Variants in MBD2 observed in about 807,000 individuals in gnomAD.
The protein encoded by MBD2 is methyl-CpG binding domain protein 2.
Under a neutral mutation model 39.3 loss-of-function variants are expected in MBD2, and 9 were observed. The ratio of observed to expected loss-of-function variants is 0.23; its 90% CI spans 0.14 to 0.40. The LOEUF is 0.40. MBD2 is among the 10% of genes least tolerant of loss of function. The pLI is 1.00. For missense variants in MBD2, 458 were observed against 532.6 expected, an observed-to-expected ratio of 0.86 and a Z score of 1.38; for synonymous variants, 233 against 211.1, an observed-to-expected ratio of 1.10 and a Z score of -0.90.
intron 1 of MBD2, among the ~76,000 whole-genome samples, chr18:54,217,736 A>C (rs2086573328): frequency 1.3e-5 from 2 of 152,242 alleles, no homozygotes; most frequent in African/African-American, 2.4e-5. Context: ...AATGTGAAAA[A>C]ATCTACCAAT....
At chr18:54,156,470 T>C in intron 6 of MBD2, among the ~76,000 whole-genome samples, 1 of 152,208 alleles carries the variant, frequency 6.6e-6, no homozygotes, top group East Asian at 1.9e-4. Context: ...AACTTCTGTG[T>C]AAGTATAGTG....
At chr18:54,219,825 G>C (rs1276076541) in intron 1 of MBD2, among the ~76,000 whole-genome samples, 1 of 152,222 alleles carries the variant, frequency 6.6e-6, no homozygotes, top group Non-Finnish European at 1.5e-5. Context: ...ATTTGAGACT[G>C]TGTCTCGCTC....
intron 1 of MBD2, among the ~76,000 whole-genome samples, chr18:54,219,985 T>A (rs190574345): frequency 6.6e-6 from 1 of 152,168 alleles, no homozygotes; most frequent in South Asian, 2.1e-4. Context: ...GTATTTTTAG[T>A]AGAAACAGGG....
chr18:54,207,180 C>CTTTGGTA lies in MBD2; in HGVS notation c.543-2030_543-2024dup, dbSNP rs779126508. Among the ~76,000 whole-genome samples, 219 of 152,350 alleles carry CTTTGGTA rather than the reference C, an allele frequency of 1.4e-3. 2 individuals carry two copies. Among genetic ancestry groups the CTTTGGTA allele is most frequent in the Non-Finnish European group, 1.3e-3 (87 of 68,030 alleles). On this transcript the variant is annotated intron_variant, in intron 1 of 6. Transcript: ENST00000256429. ...TTTTCCCAGACTCTTTTCCCACCAG[C>CTTTGGTA]TTTGGTAGCCTACATTCCAAACTCT... is the stretch of plus-strand genomic sequence containing the variant.
chr18:54,180,472 A>G (rs1047130215), intron 3 of MBD2, among the ~76,000 whole-genome samples: 2 of 152,144 alleles, frequency 1.3e-5, no homozygotes, highest in Non-Finnish European at 2.9e-5. Flanking sequence ...AACCCTGACT[A>G]TTTAACCTAT....
chr18:54,165,647 T>C (rs1568078943), intron 4 of MBD2, among the ~76,000 whole-genome samples: 1 of 152,068 alleles, frequency 6.6e-6, no homozygotes, highest in Non-Finnish European at 1.5e-5. Context: ...CACCAGTTTG[T>C]GGAGGGAGGG....
At chr18:54,216,953 T>C (rs748257224) in intron 1 of MBD2, among the ~76,000 whole-genome samples, 3 of 152,074 alleles carry the variant, frequency 2.0e-5, no homozygotes, top group Admixed American at 6.5e-5. Flanking sequence ...CTGGGCATGG[T>C]TGACACATGC....
intron 1 of MBD2, among the ~76,000 whole-genome samples, chr18:54,212,811 C>T (rs906905194): frequency 7.2e-5 from 11 of 151,932 alleles, no homozygotes; most frequent in Non-Finnish European, 1.6e-4. Context: ...GGACAGATCA[C>T]TTAAGCCATG....
In MBD2 at chr18:54,179,876, A is replaced by T. The variant is rs554632443; in HGVS notation, c.840+8998T>A. Among the ~76,000 whole-genome samples the T allele has an allele frequency of 5.0e-4, 74 of 147,320 alleles. No individual in the cohort carries two copies. In the South Asian group the frequency reaches 6.5e-3, roughly 13 times the overall value. On this transcript the variant is annotated intron_variant, in intron 3 of 6. Coordinates refer to ENST00000256429, the MANE Select transcript of MBD2 (RefSeq NM_003927.5). ...ATTCAACATTGTATTGGAAGTTCTAACTAATAAAATAGAAAAAGGACAAAA... is the reference window on the plus strand; with the variant it reads ...ATTCAACATTGTATTGGAAGTTCTATCTAATAAAATAGAAAAAGGACAAAA...
In MBD2 at chr18:54,180,897, C is replaced by CTTTTT. The variant is rs1211071727; in HGVS notation, c.840+7972_840+7976dup. On this transcript the variant is annotated intron_variant, in intron 3 of 6. Transcript: ENST00000256429. ...CAGCCTATGTATTCCTTAATTTTTT[C>CTTTTT]TTTTTCTTTTTTTTTTTTTTTTTTT... 8.8e-4 allele frequency among the ~76,000 whole-genome samples: 93 copies of CTTTTT among 105,338 alleles called. 3 individuals are homozygous for CTTTTT. The highest frequency in any genetic ancestry group is 2.7e-3 in the African/African-American group (70 of 25,800). The allele number at this position is 105,338 out of a possible 152,430, so 69.1% of individuals were successfully genotyped here. A position where few individuals can be genotyped will look rare whatever the true frequency, so the allele number is the denominator to read the frequency against.
chr18:54,203,038 CG>C (rs1568089954), intron 2 of MBD2: 5 of 1,295,262 alleles, frequency 3.9e-6, no homozygotes, highest in Non-Finnish European at 5.6e-6. Flanking sequence ...GAGCAAACAG[CG>C]TATGAGCAAG....
At chr18:54,211,996 C>T (rs1375599651) in intron 1 of MBD2, among the ~76,000 whole-genome samples, 1 of 152,244 alleles carries the variant, frequency 6.6e-6, no homozygotes, top group South Asian at 2.1e-4. Context: ...GCTGGGATTA[C>T]AGGCGCCTGC....
intron 2 of MBD2, among the ~76,000 whole-genome samples, chr18:54,193,368 A>G (rs933898970): frequency 1.6e-4 from 24 of 152,350 alleles, no homozygotes; most frequent in African/African-American, 5.5e-4. Context: ...ACTGGCAAAC[A>G]CATTCTAATA....
At chr18:54,166,300 C>T (rs1383456866) in intron 3 of MBD2, 134 bp from the exon 4 acceptor site, 2 of 624,764 alleles carry the variant, frequency 3.2e-6, no homozygotes, top group African/African-American at 3.7e-5. Context: ...TTATAAAAAG[C>T]TAAATGATAT....
chr18:54,155,794 G>A (rs1330429389), intron 6 of MBD2, among the ~76,000 whole-genome samples: 1 of 152,120 alleles, frequency 6.6e-6, no homozygotes, highest in Non-Finnish European at 1.5e-5. Flanking sequence ...TTTAACCTGG[G>A]TGAAATGGCA....
intron 6 of MBD2, among the ~76,000 whole-genome samples, chr18:54,157,108 C>T (rs2086057654): frequency 6.6e-6 from 1 of 152,100 alleles, no homozygotes; most frequent in South Asian, 2.1e-4. Flanking sequence ...AGACTTCCCT[C>T]TGAAAGACTT....
chr18:54,219,495 T>C (rs1263927101), intron 1 of MBD2, among the ~76,000 whole-genome samples: 2 of 152,192 alleles, frequency 1.3e-5, no homozygotes, highest in Non-Finnish European at 2.9e-5. Flanking sequence ...ATGAGAGTTA[T>C]ACAAGGGACA....
chr18:54,156,469 G>GT (rs2086052135), intron 6 of MBD2, among the ~76,000 whole-genome samples: 1 of 152,200 alleles, frequency 6.6e-6, no homozygotes, highest in Non-Finnish European at 1.5e-5. Flanking sequence ...CAACTTCTGT[G>GT]TAAGTATAGT....
At chr18:54,192,217 C>T (rs17462765) in intron 2 of MBD2, among the ~76,000 whole-genome samples, 9,679 of 152,228 alleles carry the variant, frequency 0.064, 400 homozygotes, top group Non-Finnish European at 0.096. Flanking sequence ...TATCACTAAA[C>T]GATGCCTTGT....
Sources: allele counts gnomAD v4.1 joint callset (sites outside exome capture counted in the v4.1 genomes callset), GRCh38; gene constraint gnomAD v4.1.1; transcripts MANE v1.5; gene names NCBI Gene and HGNC (gene_info 2026-07-23, HGNC 2026-07-21).